The following FAM135A variants were observed in gnomAD, a reference collection of about 807,000 sequenced individuals.
The protein encoded by FAM135A is protein FAM135A.
Under a neutral mutation model 146.8 loss-of-function variants are expected in FAM135A, and 79 were observed. The observed-to-expected ratio is 0.54, with a 90% CI of 0.45 to 0.65. FAM135A has a LOEUF of 0.65. FAM135A is among the 30% of genes least tolerant of loss of function. The pLI is 0.00. For synonymous variants in FAM135A, 562 were observed against 603.6 expected (o/e 0.93, Z 1.01); for missense variants, 1,623 against 1,758.2 (o/e 0.92, Z 1.38).
intron 2 of FAM135A, among the ~76,000 whole-genome samples, chr6:70,425,959 C>T (rs535261859): frequency 2.7e-4 from 41 of 151,950 alleles, no homozygotes; most frequent in Middle Eastern, 3.4e-3. Flanking sequence ...AAAAATTAGC[C>T]GGGCGCGGTG....
chr6:70,468,144 G>A (rs1382657783), intron 5 of FAM135A, among the ~76,000 whole-genome samples: 1 of 152,114 alleles, frequency 6.6e-6, no homozygotes, highest in Non-Finnish European at 1.5e-5. Context: ...AAGAATCTGA[G>A]ATTATACTGT....
At chr6:70,425,018 G>T (rs971496717) in intron 2 of FAM135A, among the ~76,000 whole-genome samples, 12 of 151,126 alleles carry the variant, frequency 7.9e-5, no homozygotes, top group African/African-American at 2.7e-4. Flanking sequence ...GAGTTAGGTG[G>T]TATGGGTGCT....
In FAM135A at chr6:70,477,953, CA is replaced by C. The variant is rs138139992; in HGVS notation, c.542+622del. ...AAAAAATACCATCTGGAAATAACCA[CA>C]CAACATTGTTTATTCTGTACCTATG... On this transcript the variant is annotated intron_variant, in intron 8 of 21. Coordinates refer to ENST00000418814, the MANE Select transcript of FAM135A (RefSeq NM_001162529.3). Among the ~76,000 whole-genome samples, 654 of 152,206 alleles carry C rather than the reference CA, an allele frequency of 4.3e-3. 4 individuals carry two copies. Among genetic ancestry groups the C allele is most frequent in the African/African-American group, 0.015 (609 of 41,536 alleles).
At chr6:70,502,862 A>G (rs1223865217) in intron 12 of FAM135A, 71 bp downstream of exon 12, 2 of 1,473,404 alleles carry the variant, frequency 1.4e-6, no homozygotes, top group Admixed American at 2.1e-5. Flanking sequence ...TTTTATGAAA[A>G]CAAACCTGAT....
At chr6:70,488,116 G>A (rs1207521718) in intron 10 of FAM135A, among the ~76,000 whole-genome samples, 1 of 152,098 alleles carries the variant, frequency 6.6e-6, no homozygotes, top group African/African-American at 2.4e-5. Context: ...TAGGTAGTAT[G>A]TAAAGATACA....
At chr6:70,429,500 A>C (rs535736650) in intron 4 of FAM135A, among the ~76,000 whole-genome samples, 1 of 152,168 alleles carries the variant, frequency 6.6e-6, no homozygotes, top group South Asian at 2.1e-4. Context: ...GCAACAGAGC[A>C]AGACTCCATC....
intron 3 of FAM135A, 34 bp from the exon 4 acceptor site, chr6:70,428,270 G>C: frequency 9.7e-7 from 1 of 1,025,692 alleles, no homozygotes; most frequent in Non-Finnish European, 1.4e-6. Context: ...TTTTTGTTAC[G>C]CTTCTCATGA....
intron 2 of FAM135A, among the ~76,000 whole-genome samples, chr6:70,420,718 AAATT>A (rs1358808875): frequency 6.6e-6 from 1 of 152,202 alleles, no homozygotes; most frequent in Non-Finnish European, 1.5e-5. Context: ...AAAATAAGTA[AAATT>A]AATTTTAATA....
intron 10 of FAM135A, among the ~76,000 whole-genome samples, chr6:70,485,076 A>G (rs765904366): frequency 4.6e-5 from 7 of 152,216 alleles, no homozygotes; most frequent in African/African-American, 1.4e-4. Flanking sequence ...ATAAAATTCT[A>G]AAGCAAACCC....
At position 70,552,555 on chromosome 6, in the gene FAM135A, G is replaced by A. The variant is rs139143958; in HGVS notation, c.4229-4195G>A. ...GTGATCTTGGCTCACTGCAACCTCC[G>A]CCTTCTGGGTTCAAGCGATTTTCCT... is the stretch of plus-strand genomic sequence containing the variant. On this transcript the variant is annotated intron_variant, in intron 20 of 21. Coordinates refer to ENST00000418814, the MANE Select transcript of FAM135A (RefSeq NM_001162529.3). Among the ~76,000 whole-genome samples, 50 of 143,588 alleles carry A rather than the reference G, an allele frequency of 3.5e-4. No individual in the cohort carries two copies. The East Asian group carries it at 7.0e-3, about 20-fold the overall frequency. The allele number at this position is 143,588 out of a possible 152,430, so 94.2% of individuals were successfully genotyped here. A position where few individuals can be genotyped will look rare whatever the true frequency, so the allele number is the denominator to read the frequency against.
intron 5 of FAM135A, among the ~76,000 whole-genome samples, chr6:70,453,965 C>A (rs1777693093): frequency 6.6e-6 from 1 of 152,266 alleles, no homozygotes; most frequent in East Asian, 1.9e-4. Flanking sequence ...ATTTCTAGTT[C>A]TAGATCCTTG....
At chr6:70,428,543 T>G (rs191525019) in intron 4 of FAM135A, 124 bp downstream of exon 4, 23 of 534,286 alleles carry the variant, frequency 4.3e-5, no homozygotes, top group East Asian at 3.9e-4. Flanking sequence ...AAGTAATTAT[T>G]TTCTCAGATA....
At chr6:70,465,448 G>A (rs541542084) in intron 5 of FAM135A, among the ~76,000 whole-genome samples, 227 of 152,110 alleles carry the variant, frequency 1.5e-3, no homozygotes, top group African/African-American at 4.9e-3. Flanking sequence ...TTGAGACAGG[G>A]TCTCGTTCTG....
At chr6:70,522,380 G>A (rs745351863) in intron 12 of FAM135A, 133 bp from the exon 13 acceptor site, 3 of 695,450 alleles carry the variant, frequency 4.3e-6, no homozygotes, top group Admixed American at 2.3e-5. Flanking sequence ...CACTGAAGAG[G>A]GAGAAGGGAA....
intron 19 of FAM135A, among the ~76,000 whole-genome samples, chr6:70,538,050 T>A (rs985130504): frequency 9.2e-5 from 14 of 152,242 alleles, no homozygotes; most frequent in Non-Finnish European, 1.8e-4. Context: ...CATTACTGAA[T>A]GAAATAGAAA....
At chr6:70,482,891 TA>T (rs1358395044) in intron 10 of FAM135A, among the ~76,000 whole-genome samples, 7 of 151,578 alleles carry the variant, frequency 4.6e-5, no homozygotes, top group East Asian at 2.0e-4. Flanking sequence ...TAATAGCTTA[TA>T]AAAATATATT....
intron 8 of FAM135A, among the ~76,000 whole-genome samples, chr6:70,480,615 T>C (rs1245863411): frequency 6.6e-6 from 1 of 152,196 alleles, no homozygotes; most frequent in East Asian, 1.9e-4. Flanking sequence ...ATTTGTTGTT[T>C]AGCTACTCTA....
At chr6:70,479,785 A>G (rs1284754555) in intron 8 of FAM135A, among the ~76,000 whole-genome samples, 1 of 152,162 alleles carries the variant, frequency 6.6e-6, no homozygotes, top group Admixed American at 6.5e-5. Context: ...TTTATGGTCA[A>G]TGCAATCTAT....
At chr6:70,430,097 G>A (rs1025373688) in intron 4 of FAM135A, among the ~76,000 whole-genome samples, 1 of 152,144 alleles carries the variant, frequency 6.6e-6, no homozygotes, top group Admixed American at 6.5e-5. Context: ...AGCACTTTGG[G>A]AGGCCAAGGC....
Sources: allele counts gnomAD v4.1 joint callset (sites outside exome capture counted in the v4.1 genomes callset), GRCh38; gene constraint gnomAD v4.1.1; transcripts MANE v1.5; gene names NCBI Gene and HGNC (gene_info 2026-07-23, HGNC 2026-07-21).